Variants in ADGRL3 observed in about 807,000 individuals in gnomAD.
ADGRL3 encodes adhesion G protein-coupled receptor L3.
Under a neutral mutation model 153.5 loss-of-function variants are expected in ADGRL3, and 62 were observed. That is an observed-to-expected ratio of 0.40 (90% CI 0.33 to 0.50). ADGRL3 has a LOEUF of 0.50. ADGRL3 is among the 20% of genes least tolerant of loss of function. ADGRL3 has a pLI of 0.47. For missense variants in ADGRL3, 1,641 were observed against 1,859.4 expected (o/e 0.88, Z 2.16); for synonymous variants, 710 against 672.5 (o/e 1.06, Z -0.86).
chr4:61,797,461 G>C (rs2097428700), intron 8 of ADGRL3, among the ~76,000 whole-genome samples: 1 of 152,098 alleles, frequency 6.6e-6, no homozygotes, highest in African/African-American at 2.4e-5. Context: ...CTGAGACTTG[G>C]TTTCCTCTCC....
intron 6 of ADGRL3, among the ~76,000 whole-genome samples, chr4:61,720,130 C>G (rs2096211407): frequency 1.3e-5 from 2 of 150,932 alleles, no homozygotes; most frequent in African/African-American, 2.4e-5. Context: ...CACACTGTCA[C>G]CCAGGCTGGA....
intron 1 of ADGRL3, among the ~76,000 whole-genome samples, chr4:61,276,675 T>C (rs897689420): frequency 1.3e-5 from 2 of 152,174 alleles, no homozygotes; most frequent in Non-Finnish European, 2.9e-5. Flanking sequence ...TTATTTTTCT[T>C]GTTTAGACAG....
intron 1 of ADGRL3, among the ~76,000 whole-genome samples, chr4:61,304,293 G>A (rs1220007069): frequency 6.6e-6 from 1 of 152,194 alleles, no homozygotes; most frequent in Non-Finnish European, 1.5e-5. Flanking sequence ...CAATTCTCAA[G>A]GGAATACACA....
At chr4:61,299,495 C>T (rs2094514522) in intron 1 of ADGRL3, among the ~76,000 whole-genome samples, 2 of 152,110 alleles carry the variant, frequency 1.3e-5, no homozygotes, top group African/African-American at 4.8e-5. Flanking sequence ...TGGCAATTTG[C>T]TTTTAAGTCA....
intron 9 of ADGRL3, among the ~76,000 whole-genome samples, chr4:61,847,323 C>G (rs2098128762): frequency 6.6e-6 from 1 of 151,034 alleles, no homozygotes; most frequent in Non-Finnish European, 1.5e-5. Flanking sequence ...TGAATAAATT[C>G]ACTGACAATT....
chr4:61,631,793 C>A (rs1350687345), intron 5 of ADGRL3, among the ~76,000 whole-genome samples: 1 of 146,718 alleles, frequency 6.8e-6, no homozygotes, highest in Non-Finnish European at 1.5e-5. Flanking sequence ...TTTTTCTTTT[C>A]TTTTTTTGTA....
At chr4:61,444,122 A>T (rs192956603) in intron 2 of ADGRL3, among the ~76,000 whole-genome samples, 115 of 152,346 alleles carry the variant, frequency 7.5e-4, no homozygotes, top group African/African-American at 2.7e-3. Flanking sequence ...TGCATTAAAT[A>T]TCTTAACATT....
rs61747658 is a variant in ADGRL3, at chr4:61,934,906, A to G, written c.2179A>G (p.Thr727Ala). The G allele has an allele frequency of 0.01, 16,479 of 1,613,826 alleles. 118 individuals are homozygous for G. Among genetic ancestry groups the G allele is most frequent in the Non-Finnish European group, 0.013 (14,759 of 1,179,792 alleles). Residue 727 changes from threonine to alanine, a missense_variant, in exon 14 of 27, where the codon ACG becomes GCG. Transcript: ENST00000683033. ...TTTGAATGCATGGAGAGACCTGACT[A>G]CGAGTGATCAGCTGCGTGCGGCCAC... ...QALNAWRDLT[T>A]SDQLRAATML...
intron 15 of ADGRL3, among the ~76,000 whole-genome samples, chr4:61,939,450 A>G (rs1458976152): frequency 6.6e-6 from 1 of 150,646 alleles, no homozygotes; most frequent in Admixed American, 6.6e-5. Context: ...ATTTCTGTAG[A>G]CAAAATTTGC....
At chr4:61,629,867 T>C (rs2093054677) in intron 5 of ADGRL3, among the ~76,000 whole-genome samples, 1 of 151,590 alleles carries the variant, frequency 6.6e-6, no homozygotes, top group South Asian at 2.1e-4. Flanking sequence ...TGTGTTGGCA[T>C]GATATTCTGT....
intron 8 of ADGRL3, among the ~76,000 whole-genome samples, chr4:61,750,342 A>G (rs2096738445): frequency 6.6e-6 from 1 of 152,190 alleles, no homozygotes; most frequent in African/African-American, 2.4e-5. Flanking sequence ...AGGGAGTTTT[A>G]ATAATTAAAA....
chr4:61,466,083 G>A (rs972091736), intron 2 of ADGRL3, among the ~76,000 whole-genome samples: 1 of 151,794 alleles, frequency 6.6e-6, no homozygotes, highest in South Asian at 2.1e-4. Flanking sequence ...GAGTGCCATT[G>A]CACTCCAGCT....
intron 4 of ADGRL3, among the ~76,000 whole-genome samples, chr4:61,579,903 A>T (rs919154672): frequency 1.3e-5 from 2 of 152,070 alleles, no homozygotes; most frequent in African/African-American, 4.8e-5. Flanking sequence ...AAAGTAGATG[A>T]TGGGTTATTT....
intron 4 of ADGRL3, among the ~76,000 whole-genome samples, chr4:61,557,334 TA>T (rs1230471651): frequency 6.6e-6 from 1 of 152,170 alleles, no homozygotes; most frequent in East Asian, 1.9e-4. Flanking sequence ...ACATATAATC[TA>T]AAACAAATTT....
chr4:61,608,981 A>G (rs1271845826), intron 5 of ADGRL3, among the ~76,000 whole-genome samples: 3 of 152,086 alleles, frequency 2.0e-5, no homozygotes, highest in African/African-American at 7.2e-5. Context: ...AGTAATAGTT[A>G]TTTTCACTTT....
chr4:61,981,600 TA>T lies in ADGRL3; in HGVS notation c.3016-1782del, dbSNP rs551942066. Among the ~76,000 whole-genome samples, 6 of 152,136 alleles carry T rather than the reference TA, an allele frequency of 3.9e-5. No homozygotes were observed. In the East Asian group the frequency reaches 9.6e-4, roughly 24 times the overall value. ...AAAACCAAACAGAAAATATAAATAA[TA>T]GACAATATCTTCATATATTACACAA... On this transcript the variant is annotated intron_variant, in intron 18 of 26. Transcript: ENST00000683033.
chr4:61,207,274 A>C (rs55740424), intron 1 of ADGRL3, among the ~76,000 whole-genome samples: 66,019 of 151,740 alleles, frequency 0.44, 14,570 homozygotes, highest in Middle Eastern at 0.49. Flanking sequence ...GTTCAACTCC[A>C]ACTTATGAGT....
chr4:61,293,194 G>A (rs1578150775), intron 1 of ADGRL3, among the ~76,000 whole-genome samples: 1 of 152,224 alleles, frequency 6.6e-6, no homozygotes, highest in Non-Finnish European at 1.5e-5. Flanking sequence ...GTATTGAGAG[G>A]AAAAGAGCTG....
chr4:61,612,258 G>A (rs1318251957), intron 5 of ADGRL3, among the ~76,000 whole-genome samples: 2 of 152,062 alleles, frequency 1.3e-5, no homozygotes, highest in African/African-American at 4.8e-5. Flanking sequence ...CTGTCTTTCA[G>A]CCATGAGGTT....
Sources: gnomAD v4.1 joint callset for allele counts (sites outside exome capture counted in the v4.1 genomes callset) on GRCh38, gnomAD v4.1.1 for gene constraint, MANE v1.5 for transcripts, NCBI Gene and HGNC (gene_info 2026-07-23, HGNC 2026-07-21) for gene names.